Variants in APBB1 observed in about 807,000 individuals in gnomAD.
APBB1 encodes the protein adaptor protein FE65a2.
Under a neutral mutation model 78.4 loss-of-function variants are expected in APBB1, and 22 were observed. That is an observed-to-expected ratio of 0.28 (90% CI 0.20 to 0.40). The LOEUF (loss-of-function observed/expected upper bound fraction) is 0.40. APBB1 is among the 10% of genes least tolerant of loss of function. The pLI is 1.00. For synonymous variants in APBB1, 369 were observed against 372.7 expected, an observed-to-expected ratio of 0.99 and a Z score of 0.12; for missense variants, 749 against 932.4, an observed-to-expected ratio of 0.80 and a Z score of 2.56.
At chr11:6,402,767 T>G in intron 6 of APBB1, 42 bp from the exon 7 acceptor site, 4 of 1,611,722 alleles carry the variant, frequency 2.5e-6, no homozygotes, top group Non-Finnish European at 3.4e-6. Context: ...AGGATCTGAG[T>G]CAAAACTGGA....
chr11:6,415,741 C>A (rs1022376854), intron 1 of APBB1, among the ~76,000 whole-genome samples: 3 of 152,150 alleles, frequency 2.0e-5, no homozygotes, highest in African/African-American at 7.2e-5. Flanking sequence ...CAGCACCTAT[C>A]CCTTTCTCTC....
At chr11:6,402,854 G>T in intron 6 of APBB1, 129 bp from the exon 7 acceptor site, 1 of 1,196,452 alleles carries the variant, frequency 8.4e-7, no homozygotes, top group Non-Finnish European at 1.2e-6. Flanking sequence ...ACAGGATGTG[G>T]TTAGGGAGAG....
At position 6,402,229 on chromosome 11, in the gene APBB1, C is replaced by A. The variant is rs1848560703; in HGVS notation, c.1255-20G>T. 3 of 1,611,940 alleles carry A rather than the reference C, an allele frequency of 1.9e-6. No individual in the cohort carries two copies. Among genetic ancestry groups the A allele is most frequent in the African/African-American group, 1.3e-5 (1 of 75,030 alleles). On this transcript the variant is annotated intron_variant, in intron 7 of 14. Transcript: ENST00000609360. ...CTTTCCCTGCAGGACCAGAAGCAGG[C>A]ACTCAGTGGGACTCCAGCCAGGATG...
In APBB1 at chr11:6,402,261, G is replaced by A. The variant is rs567409959; in HGVS notation, c.1255-52C>T. On this transcript the variant is annotated intron_variant, in intron 7 of 14. Coordinates refer to ENST00000609360, the MANE Select transcript of APBB1 (RefSeq NM_001164.5). ...TGGGACTCCAGCCAGGATGGTGGCT[G>A]ATCTCTGACCCCTGCAGCTCAGGGG... 1.4e-4 allele frequency: 228 copies of A among 1,603,304 alleles called. 1 individual carries two copies. The South Asian group carries it at 2.4e-3, about 17-fold the overall frequency.
At chr11:6,396,662 A>G (rs1848242399) in intron 12 of APBB1, 1 of 190,472 alleles carries the variant, frequency 5.3e-6, no homozygotes, top group African/African-American at 2.4e-5. Flanking sequence ...ACTCTGTATC[A>G]CATTGTGCTA....
rs928398658 is a variant in APBB1 at position 6,410,160 on chromosome 11, C to T, written c.721+467G>A. Among the ~76,000 whole-genome samples the T allele has an allele frequency of 2.0e-5, 3 of 152,100 alleles. No homozygotes were observed. The East Asian group carries it at 5.8e-4, about 29-fold the overall frequency. ...TCTATGCATTGGCGGCAGCATAACA[C>T]GGGGCCAAGAGCTCAGGCCTGGACT... On this transcript the variant is annotated intron_variant, in intron 2 of 14. Transcript: ENST00000609360.
At chr11:6,397,088 G>A (rs1225815856) in intron 12 of APBB1, among the ~76,000 whole-genome samples, 1 of 152,214 alleles carries the variant, frequency 6.6e-6, no homozygotes, top group African/African-American at 2.4e-5. Context: ...CAAGGCAGGA[G>A]CACATGTTGT....
chr11:6,406,653 C>A (rs1848811650), intron 2 of APBB1, among the ~76,000 whole-genome samples: 1 of 152,210 alleles, frequency 6.6e-6, no homozygotes, highest in Non-Finnish European at 1.5e-5. Context: ...CACTCCCCTT[C>A]TCTCTCTTTG....
chr11:6,400,956 T>C (rs1848468413), intron 12 of APBB1, 33 bp downstream of exon 12: 1 of 1,594,170 alleles, frequency 6.3e-7, no homozygotes, highest in South Asian at 1.1e-5. Flanking sequence ...AGGATCAAGG[T>C]AGCAGCCCCT....
At chr11:6,404,945 T>C in intron 2 of APBB1, 1 of 1,440,984 alleles carries the variant, frequency 6.9e-7, no homozygotes, top group South Asian at 1.5e-5. Flanking sequence ...CCAGGCAAGA[T>C]CCTCCCCCGC....
intron 2 of APBB1, among the ~76,000 whole-genome samples, chr11:6,406,480 G>C (rs575482191): frequency 5.3e-5 from 8 of 151,958 alleles, no homozygotes; most frequent in African/African-American, 1.4e-4. Context: ...CAGCTGCACA[G>C]TACAGCCCAA....
At chr11:6,404,900 C>T (rs959940888) in intron 2 of APBB1, 2 of 1,492,752 alleles carry the variant, frequency 1.3e-6, no homozygotes, top group South Asian at 1.3e-5. Flanking sequence ...GAGAAAAGCT[C>T]ATCCCGCCCC....
chr11:6,415,789 C>A (rs147322312), intron 1 of APBB1, among the ~76,000 whole-genome samples: 160 of 152,342 alleles, frequency 1.1e-3, no homozygotes, highest in African/African-American at 3.7e-3. Flanking sequence ...GATTTGGATT[C>A]TTCCTATGAT....
chr11:6,402,296 A>G, intron 7 of APBB1, 87 bp from the exon 8 acceptor site: 1 of 1,560,484 alleles, frequency 6.4e-7, no homozygotes, highest in Non-Finnish European at 8.7e-7. Context: ...GATGTTAGCC[A>G]CAGCTCTGGG....
At chr11:6,413,308 A>C (rs1849028272) in intron 1 of APBB1, among the ~76,000 whole-genome samples, 1 of 152,084 alleles carries the variant, frequency 6.6e-6, no homozygotes, top group Non-Finnish European at 1.5e-5. Flanking sequence ...GACCATCCCA[A>C]CAAACACTGC....
chr11:6,410,975 G>A lies in APBB1; in HGVS notation c.373C>T (p.His125Tyr), dbSNP rs554484499. The A allele has an allele frequency of 5.0e-6, 8 of 1,614,204 alleles. No homozygotes were observed. In the East Asian group the frequency reaches 1.8e-4, roughly 36 times the overall value. ...HLYSELELSA[H>Y]NAANRGLRGP... ...CGTAGGCCTCGGTTGGCTGCGTTGT[G>A]AGCTGAGAGCTCCAGCTCAGAGTAC... is the stretch of plus-strand genomic sequence containing the variant. Residue 125 changes from histidine (H) to tyrosine (Y), a missense_variant, in exon 2 of 15, where the codon CAC (histidine) becomes TAC (tyrosine). His to Tyr is a moderately conservative substitution (Grantham distance 83, BLOSUM62 2). Around this residue, in one of 3 missense-constraint regions of APBB1, gnomAD observed 635 missense variants for 765.0 expected, o/e 0.83. Coordinates refer to ENST00000609360, the MANE Select transcript of APBB1 (RefSeq NM_001164.5).
In APBB1 at chr11:6,395,156, A is replaced by G. The variant is rs992793825; in HGVS notation, c.*378T>C. 6.0e-5 allele frequency: 14 copies of G among 231,606 alleles called. No individual in the cohort carries two copies. Among genetic ancestry groups the G allele is most frequent in the African/African-American group, 3.0e-4 (13 of 43,654 alleles). 14.3% of individuals were successfully genotyped at this position (231,606 alleles called of 1,614,324 possible). A position where few individuals can be genotyped will look rare whatever the true frequency, so the allele number is the denominator to read the frequency against. On this transcript the variant is annotated 3_prime_UTR_variant, in exon 15 of 15. Transcript: ENST00000609360. This position sits in a 1 kb window ranked among gnomAD's most constrained non-coding sequence, Gnocchi z 5.2. ...CAGACAGACTTTATTAGTGATATCA[A>G]TACAGCAGAGGTGCCCATGGAGCAG...
In APBB1 at chr11:6,411,001, A is replaced by G. The variant is rs1249028771; in HGVS notation, c.347T>C (p.Leu116Pro). The G allele has an allele frequency of 6.2e-6, 10 of 1,613,986 alleles. No individual in the cohort carries two copies. Among genetic ancestry groups the G allele is most frequent in the African/African-American group, 1.3e-5 (1 of 74,906 alleles). The change falls in exon 2 of 15, where the codon CTG (leucine) becomes CCG (proline). Residue 116 changes from leucine (L) to proline (P), a missense_variant. Physicochemically the swap from Leu to Pro is moderately conservative, Grantham distance 98. Around this residue, in one of 3 missense-constraint regions of APBB1, gnomAD observed 635 missense variants for 765.0 expected, o/e 0.83. Transcript: ENST00000609360. The surrounding 1 kb of genome is among the most constrained non-coding windows in gnomAD (Gnocchi z 5.2). ...AGCTGAGAGCTCCAGCTCAGAGTACAGGTGTATCAGGCCTTTGGGGCCCAA... is the reference window on the plus strand; with the variant it reads ...AGCTGAGAGCTCCAGCTCAGAGTACGGGTGTATCAGGCCTTTGGGGCCCAA... ...APLGPKGLIH[L>P]YSELELSAHN...
intron 2 of APBB1, among the ~76,000 whole-genome samples, chr11:6,410,125 T>C (rs945694803): frequency 3.3e-5 from 5 of 150,220 alleles, no homozygotes; most frequent in African/African-American, 1.2e-4. Flanking sequence ...TGCACCTGAG[T>C]GCATTGTGCT....
Sources: gnomAD v4.1 joint callset for allele counts (sites outside exome capture counted in the v4.1 genomes callset) on GRCh38, gnomAD v4.1.1 for gene constraint, gnomAD v4.1.1 regional missense constraint, Gnocchi (gnomAD v3.1) non-coding constraint, MANE v1.5 for transcripts, NCBI Gene and HGNC (gene_info 2026-07-23, HGNC 2026-07-21) for gene names.